Variants in MAP3K13 observed in about 807,000 individuals in gnomAD.
MAP3K13 encodes mitogen-activated protein kinase kinase kinase 13, also known as leucine zipper-bearing kinase.
A neutral mutation model predicts 104.0 loss-of-function variants in MAP3K13; 52 were observed. That is an observed-to-expected ratio of 0.50 (90% CI 0.40 to 0.63). The LOEUF is 0.63. MAP3K13 is among the 20% of genes least tolerant of loss of function. The pLI, the probability that MAP3K13 is intolerant of heterozygous loss-of-function variation, is 0.00. For synonymous variants in MAP3K13, 394 were observed against 442.2 expected (o/e 0.89, Z 1.37); for missense variants, 914 against 1,218.5 (o/e 0.75, Z 3.72).
chr3:185,325,966 A>C (rs1363719280), intron 2 of MAP3K13, among the ~76,000 whole-genome samples: 2 of 152,020 alleles, frequency 1.3e-5, no homozygotes, highest in Non-Finnish European at 2.9e-5. Flanking sequence ...TACTTGCTTC[A>C]CGCTTGGTTC....
intron 2 of MAP3K13, among the ~76,000 whole-genome samples, chr3:185,333,596 C>G (rs140587056): frequency 5.0e-4 from 76 of 152,174 alleles, no homozygotes; most frequent in African/African-American, 1.8e-3. Flanking sequence ...GAAAATATCA[C>G]CATTAAAAAT....
intron 1 of MAP3K13, among the ~76,000 whole-genome samples, chr3:185,376,575 G>A (rs189915060): frequency 6.6e-6 from 1 of 152,258 alleles, no homozygotes; most frequent in Non-Finnish European, 1.5e-5. Flanking sequence ...CAGTGTGGGA[G>A]CAGCTTTTAG....
intron 2 of MAP3K13, chr3:185,293,146 C>T: frequency 1.5e-6 from 1 of 673,138 alleles, no homozygotes; most frequent in Non-Finnish European, 1.8e-6. Flanking sequence ...GAGACAGAGT[C>T]TGGCTCTGTC....
chr3:185,395,118 A>T (rs1421660311), intron 1 of MAP3K13, among the ~76,000 whole-genome samples: 3 of 152,038 alleles, frequency 2.0e-5, no homozygotes, highest in Non-Finnish European at 2.9e-5. Context: ...AGTTTTTTCA[A>T]TATAATTTCT....
intron 11 of MAP3K13, among the ~76,000 whole-genome samples, chr3:185,474,641 C>T (rs925292688): frequency 3.3e-5 from 5 of 152,198 alleles, no homozygotes; most frequent in African/African-American, 1.2e-4. Context: ...CTTTGGAAAA[C>T]ATTGCCTTAA....
chr3:185,433,890 C>T (rs11717123), intron 2 of MAP3K13, among the ~76,000 whole-genome samples: 115,551 of 151,964 alleles, frequency 0.76, 45,407 homozygotes, highest in Non-Finnish European at 0.87. Flanking sequence ...TTCTAAAAAA[C>T]ATAGTGAGTT....
At chr3:185,380,770 C>T (rs974203259) in intron 1 of MAP3K13, among the ~76,000 whole-genome samples, 4 of 152,198 alleles carry the variant, frequency 2.6e-5, no homozygotes, top group Non-Finnish European at 5.9e-5. Flanking sequence ...TTCTAATTAG[C>T]TCCCAAGTGA....
chr3:185,458,416 G>A (rs535829644), intron 7 of MAP3K13, among the ~76,000 whole-genome samples: 172 of 150,356 alleles, frequency 1.1e-3, no homozygotes, highest in African/African-American at 4.0e-3. Flanking sequence ...CTTGAGTTGC[G>A]TACGATAGCA....
intron 1 of MAP3K13, among the ~76,000 whole-genome samples, chr3:185,389,553 T>G (rs1381273526): frequency 2.0e-5 from 3 of 152,028 alleles, no homozygotes; most frequent in Admixed American, 6.6e-5. Flanking sequence ...GGGGGAAATT[T>G]TTTTTTAAAA....
At chr3:185,434,707 G>A (rs1235794349) in intron 2 of MAP3K13, among the ~76,000 whole-genome samples, 1 of 152,130 alleles carries the variant, frequency 6.6e-6, no homozygotes, top group East Asian at 1.9e-4. Context: ...GGTGTGGGAT[G>A]AGCTTTCACA....
intron 2 of MAP3K13, among the ~76,000 whole-genome samples, chr3:185,313,173 A>G (rs2108687782): frequency 6.6e-6 from 1 of 151,544 alleles, no homozygotes; most frequent in Middle Eastern, 3.4e-3. Context: ...TGAGAGACAG[A>G]GTGAGACTCC....
intron 1 of MAP3K13, among the ~76,000 whole-genome samples, chr3:185,373,178 C>A (rs1181519539): frequency 2.0e-5 from 3 of 152,148 alleles, no homozygotes; most frequent in Non-Finnish European, 2.9e-5. Flanking sequence ...GACTGGGAAG[C>A]TAAGCTTCTG....
In MAP3K13 at chr3:185,454,532, TGA is replaced by T. The variant is rs1298352392; in HGVS notation, c.1278+3140_1278+3141del. Reference sequence around the variant, plus strand: ...ATATATATGATATATACCATATATATGAGATATATATATGATATATACACATA... The same window carrying T: ...ATATATATGATATATACCATATATATGATATATATATGATATATACACATA... On this transcript the variant is annotated intron_variant, in intron 7 of 13. Coordinates refer to ENST00000265026, the MANE Select transcript of MAP3K13 (RefSeq NM_004721.5). Among the ~76,000 whole-genome samples, 12 of 51,960 alleles carry T rather than the reference TGA, an allele frequency of 2.3e-4. 1 individual carries two copies. Among genetic ancestry groups the T allele is most frequent in the Admixed American group, 5.3e-4 (2 of 3,754 alleles). The allele number at this position is 51,960 out of a possible 152,430, so 34.1% of individuals were successfully genotyped here. A position where few individuals can be genotyped will look rare whatever the true frequency, so the allele number is the denominator to read the frequency against.
intron 7 of MAP3K13, among the ~76,000 whole-genome samples, chr3:185,462,601 C>A (rs181617434): frequency 2.1e-3 from 316 of 152,152 alleles, no homozygotes; most frequent in Non-Finnish European, 3.5e-3. Context: ...GGTGAAATCC[C>A]GCCTCTACTA....
chr3:185,482,248 C>A lies in MAP3K13; in HGVS notation c.2800-107C>A. On this transcript the variant is annotated intron_variant, in intron 13 of 13. Coordinates refer to ENST00000265026, the MANE Select transcript of MAP3K13 (RefSeq NM_004721.5). The surrounding 1 kb of genome is among the most constrained non-coding windows in gnomAD (Gnocchi z 4.5). ...AAGGACAGGACCTGGTCTCGTTTAC[C>A]TTTGTAGCCCCCTTACCAAGCACAG... 2 of 785,790 alleles carry A rather than the reference C, an allele frequency of 2.5e-6. No individual in the cohort carries two copies. Among genetic ancestry groups the A allele is most frequent in the Non-Finnish European group, 4.4e-6 (2 of 450,382 alleles). The allele number at this position is 785,790 out of a possible 1,614,324, so 48.7% of individuals were successfully genotyped here.
intron 1 of MAP3K13, among the ~76,000 whole-genome samples, chr3:185,426,687 C>T (rs572525621): frequency 6.6e-6 from 1 of 152,226 alleles, no homozygotes; most frequent in South Asian, 2.1e-4. Flanking sequence ...CTCATCTGTT[C>T]TATAGTCTTT....
At chr3:185,343,234 G>A (rs1331672170) in intron 2 of MAP3K13, among the ~76,000 whole-genome samples, 1 of 152,122 alleles carries the variant, frequency 6.6e-6, no homozygotes, top group Non-Finnish European at 1.5e-5. Context: ...TCAAAGAGGG[G>A]AATCACACAA....
intron 1 of MAP3K13, among the ~76,000 whole-genome samples, chr3:185,366,563 G>A (rs553373310): frequency 6.6e-6 from 1 of 152,182 alleles, no homozygotes; most frequent in Non-Finnish European, 1.5e-5. Context: ...AGCAATGTAT[G>A]AGGGTCCAGT....
chr3:185,442,596 C>T (rs1209378408), intron 3 of MAP3K13, among the ~76,000 whole-genome samples: 3 of 150,986 alleles, frequency 2.0e-5, no homozygotes, highest in African/African-American at 7.3e-5. Context: ...TGCAGTGGCA[C>T]GATCTTGGCT....
Sources: gnomAD v4.1 joint callset for allele counts (sites outside exome capture counted in the v4.1 genomes callset) on GRCh38, gnomAD v4.1.1 for gene constraint, Gnocchi (gnomAD v3.1) non-coding constraint, MANE v1.5 for transcripts, NCBI Gene and HGNC (gene_info 2026-07-23, HGNC 2026-07-21) for gene names.